Variants in DOCK2 observed in about 807,000 individuals in gnomAD.
The protein encoded by DOCK2 is dedicator of cytokinesis 2.
A neutral mutation model predicts 248.9 loss-of-function variants in DOCK2; 87 were observed. That is an observed-to-expected ratio of 0.35 (90% CI 0.29 to 0.42). The LOEUF (loss-of-function observed/expected upper bound fraction) is 0.42. DOCK2 is among the 10% of genes least tolerant of loss of function. The pLI is 1.00. For synonymous variants in DOCK2, 805 were observed against 821.6 expected (o/e 0.98, Z 0.35); for missense variants, 1,747 against 2,300.2 (o/e 0.76, Z 4.92).
At chr5:170,069,336 C>G in intron 46 of DOCK2, 116 bp downstream of exon 46, 1 of 1,049,960 alleles carries the variant, frequency 9.5e-7, no homozygotes, top group East Asian at 2.6e-5. Context: ...GCCCTCCTGT[C>G]CCTTGCTTTT....
chr5:170,063,037 C>T (rs1388770504), intron 44 of DOCK2, among the ~76,000 whole-genome samples: 3 of 152,178 alleles, frequency 2.0e-5, no homozygotes, highest in Non-Finnish European at 4.4e-5. Flanking sequence ...CATTGAGTTT[C>T]CCAACTTTTA....
At chr5:169,668,115 C>G (rs1047475351) in intron 2 of DOCK2, among the ~76,000 whole-genome samples, 1 of 152,258 alleles carries the variant, frequency 6.6e-6, no homozygotes, top group African/African-American at 2.4e-5. Context: ...CTTAACTTCT[C>G]TGTGCCTCAG....
At chr5:169,928,916 A>G (rs557768758) in intron 27 of DOCK2, among the ~76,000 whole-genome samples, 1 of 152,326 alleles carries the variant, frequency 6.6e-6, no homozygotes, top group Admixed American at 6.5e-5. Context: ...ATAGTGGAAT[A>G]ATTAGCAGAT....
At chr5:169,805,655 C>T (rs1277200837) in intron 26 of DOCK2, among the ~76,000 whole-genome samples, 1 of 152,166 alleles carries the variant, frequency 6.6e-6, no homozygotes, top group Non-Finnish European at 1.5e-5. Flanking sequence ...AGGGGAGTGG[C>T]CCCCTAGAGC....
intron 22 of DOCK2, 140 bp downstream of exon 22, chr5:169,718,931 G>A (rs926215014): frequency 5.2e-6 from 6 of 1,150,646 alleles, no homozygotes; most frequent in Admixed American, 5.8e-5. Context: ...CCAACCTAGA[G>A]AGTAATGAAT....
At chr5:169,709,013 A>G (rs1761435271) in intron 15 of DOCK2, among the ~76,000 whole-genome samples, 1 of 152,176 alleles carries the variant, frequency 6.6e-6, no homozygotes, top group Non-Finnish European at 1.5e-5. Flanking sequence ...TGGTTTCCTC[A>G]CCTGTAAAAT....
chr5:169,841,516 C>T (rs1581269316), intron 27 of DOCK2: 3 of 932,716 alleles, frequency 3.2e-6, no homozygotes, highest in East Asian at 1.2e-4. Context: ...CCATGTCACT[C>T]CTCTGCTGAA....
At chr5:169,858,152 G>C (rs1046077662) in intron 27 of DOCK2, among the ~76,000 whole-genome samples, 3 of 152,218 alleles carry the variant, frequency 2.0e-5, no homozygotes, top group African/African-American at 7.2e-5. Flanking sequence ...GGTGGTACAT[G>C]ATGGAGATAC....
intron 23 of DOCK2, among the ~76,000 whole-genome samples, chr5:169,757,863 C>T (rs976848968): frequency 1.3e-5 from 2 of 152,100 alleles, no homozygotes; most frequent in Admixed American, 6.6e-5. Context: ...AATTACACAT[C>T]AGATCAACAA....
chr5:169,730,217 A>G (rs906552269), intron 22 of DOCK2, among the ~76,000 whole-genome samples: 16 of 152,198 alleles, frequency 1.1e-4, no homozygotes, highest in African/African-American at 3.9e-4. Context: ...TCAGCCTCCC[A>G]AAGTGCTGGG....
At chr5:170,012,724 A>T (rs1477316) in intron 32 of DOCK2, among the ~76,000 whole-genome samples, 77 of 152,152 alleles carry the variant, frequency 5.1e-4, no homozygotes, top group Non-Finnish European at 6.2e-4. Flanking sequence ...TCCCAGTAGT[A>T]TAGCATCGTA....
At position 169,934,881 on chromosome 5, in the gene DOCK2, C is replaced by A. The variant is rs547798083; in HGVS notation, c.2800-48187C>A. The A allele has an allele frequency of 1.1e-5, 4 of 360,374 alleles. No individual in the cohort carries two copies. In the East Asian group the frequency reaches 2.3e-4, roughly 20 times the overall value. 22.3% of individuals were successfully genotyped at this position (360,374 alleles called of 1,614,324 possible). ...TACATTGCCAAAACAACTTTAACCACCTTACACTTGATATTTATTCTGATT... is the reference window on the plus strand; with the variant it reads ...TACATTGCCAAAACAACTTTAACCAACTTACACTTGATATTTATTCTGATT... On this transcript the variant is annotated intron_variant, in intron 27 of 51. Transcript: ENST00000520908.
intron 1 of DOCK2, among the ~76,000 whole-genome samples, chr5:169,640,900 T>A (rs1370188977): frequency 6.6e-6 from 1 of 152,242 alleles, no homozygotes; most frequent in Non-Finnish European, 1.5e-5. Context: ...CTGTTCTGTA[T>A]GCAGCTTCTC....
At chr5:169,933,623 G>T (rs1014369649) in intron 27 of DOCK2, among the ~76,000 whole-genome samples, 12 of 152,200 alleles carry the variant, frequency 7.9e-5, no homozygotes, top group African/African-American at 2.6e-4. Flanking sequence ...CCTTCGTTCG[G>T]CCTCCTTCCT....
At chr5:169,704,346 C>T (rs905089656) in intron 14 of DOCK2, among the ~76,000 whole-genome samples, 1 of 152,304 alleles carries the variant, frequency 6.6e-6, no homozygotes, top group African/African-American at 2.4e-5. Flanking sequence ...ATTTCTCCTC[C>T]TGCTCTAGGT....
intron 11 of DOCK2, 42 bp downstream of exon 11, chr5:169,698,491 C>A (rs746374880): frequency 2.4e-5 from 38 of 1,604,282 alleles, no homozygotes; most frequent in African/African-American, 4.0e-5. Flanking sequence ...TCAACCACAC[C>A]CTTTGTCATC....
At chr5:170,035,472 C>G (rs1032795831) in intron 35 of DOCK2, among the ~76,000 whole-genome samples, 1 of 152,082 alleles carries the variant, frequency 6.6e-6, no homozygotes, top group Non-Finnish European at 1.5e-5. Context: ...CCGATGACAG[C>G]AGAAAGGAAT....
At chr5:169,840,678 A>G (rs1399148259) in intron 26 of DOCK2, 79 bp from the exon 27 acceptor site, 16 of 1,309,130 alleles carry the variant, frequency 1.2e-5, no homozygotes, top group Admixed American at 1.8e-5. Flanking sequence ...ATGTCTGACC[A>G]CTGTTGTCTG....
intron 26 of DOCK2, among the ~76,000 whole-genome samples, chr5:169,828,518 G>A (rs39824): frequency 0.72 from 109,513 of 152,086 alleles, 40,190 homozygotes; most frequent in African/African-American, 0.88. Context: ...TGAGGAAACT[G>A]TATTAGTCAT....
Sources: allele counts gnomAD v4.1 joint callset (sites outside exome capture counted in the v4.1 genomes callset), GRCh38; gene constraint gnomAD v4.1.1; transcripts MANE v1.5; gene names NCBI Gene and HGNC (gene_info 2026-07-23, HGNC 2026-07-21).